Variants in MBD5 observed in about 807,000 individuals in gnomAD.
The protein encoded by MBD5 is methyl-CpG binding domain protein 5.
MBD5 carries 13 observed loss-of-function variants against 117.3 expected under a neutral mutation model. The observed-to-expected ratio is 0.11, with a 90% confidence interval of 0.07 to 0.18. MBD5 has a LOEUF of 0.18. MBD5 is among the 10% of genes least tolerant of loss of function. The pLI, the probability that MBD5 is intolerant of heterozygous loss-of-function variation, is 1.00. For missense variants in MBD5, 1,879 were observed against 2,093.8 expected (o/e 0.90, Z 2.00); for synonymous variants, 727 against 766.4 (o/e 0.95, Z 0.85).
intron 4 of MBD5, among the ~76,000 whole-genome samples, chr2:148,408,616 C>A (rs1269018985): frequency 6.6e-6 from 1 of 152,028 alleles, no homozygotes; most frequent in Admixed American, 6.5e-5. Context: ...TGCTGTAAAA[C>A]ATTAACATCC....
intron 3 of MBD5, chr2:148,265,182 T>TACTACCTAAAACATAATGTTTC (rs1700828350): frequency 6.6e-6 from 1 of 152,170 alleles, no homozygotes; most frequent in Admixed American, 6.6e-5. Flanking sequence ...ATTTATGTTT[T>TACTACCTAAAACATAATGTTTC]ACTACCTAAA....
chr2:148,217,854 C>G (rs1042076548), intron 2 of MBD5, among the ~76,000 whole-genome samples: 1 of 152,052 alleles, frequency 6.6e-6, no homozygotes, highest in South Asian at 2.1e-4. Flanking sequence ...TCCACCCTCA[C>G]GGAGTTGTCA....
intron 1 of MBD5, among the ~76,000 whole-genome samples, chr2:148,089,118 A>G (rs2122386): frequency 0.31 from 47,445 of 152,038 alleles, 8,425 homozygotes; most frequent in East Asian, 0.46. Context: ...CAGACATTAT[A>G]CAATCATAAA....
intron 4 of MBD5, among the ~76,000 whole-genome samples, chr2:148,403,654 C>T (rs937658501): frequency 2.0e-5 from 3 of 152,158 alleles, no homozygotes; most frequent in Non-Finnish European, 4.4e-5. Context: ...TCAATGGCAA[C>T]ATCTGGTAAA....
chr2:148,226,490 A>G (rs1309746918), intron 2 of MBD5, among the ~76,000 whole-genome samples: 3 of 152,026 alleles, frequency 2.0e-5, no homozygotes, highest in South Asian at 2.1e-4. Context: ...TATGTGCCAC[A>G]TTTTCTTAAT....
chr2:148,027,964 C>T (rs1693944554), intron 1 of MBD5: 1 of 152,038 alleles, frequency 6.6e-6, no homozygotes, highest in Admixed American at 6.6e-5. Context: ...CTAACTCTAA[C>T]ACTTAGAGTA....
chr2:148,122,879 T>G (rs1188523179), intron 1 of MBD5, among the ~76,000 whole-genome samples: 2 of 152,208 alleles, frequency 1.3e-5, no homozygotes, highest in Non-Finnish European at 2.9e-5. Flanking sequence ...AAGCTACATT[T>G]TATTTTACTT....
At chr2:148,210,807 T>A in intron 2 of MBD5, among the ~76,000 whole-genome samples, 1 of 152,172 alleles carries the variant, frequency 6.6e-6, no homozygotes, top group East Asian at 1.9e-4. Flanking sequence ...TGCTGATTTT[T>A]TGTTACATAT....
At chr2:148,155,660 G>A (rs558105382) in intron 1 of MBD5, among the ~76,000 whole-genome samples, 4 of 152,254 alleles carry the variant, frequency 2.6e-5, no homozygotes, top group South Asian at 2.1e-4. Flanking sequence ...CTCACATGCC[G>A]TATTCAACAC....
At chr2:148,284,552 C>A (rs1262642967) in intron 3 of MBD5, among the ~76,000 whole-genome samples, 2 of 152,096 alleles carry the variant, frequency 1.3e-5, no homozygotes, top group Admixed American at 6.5e-5. Flanking sequence ...TCTCATGGAG[C>A]CTTGGTATCA....
At chr2:148,305,944 C>A (rs12470061) in intron 3 of MBD5, among the ~76,000 whole-genome samples, 1 of 151,950 alleles carries the variant, frequency 6.6e-6, no homozygotes, top group African/African-American at 2.4e-5. Context: ...AATCTCCCCC[C>A]TTTTTAATTT....
At chr2:148,387,504 T>C (rs1463826238) in intron 4 of MBD5, among the ~76,000 whole-genome samples, 3 of 152,100 alleles carry the variant, frequency 2.0e-5, no homozygotes, top group Admixed American at 6.5e-5. Context: ...CGATTGAACA[T>C]TTTAGTGGAG....
chr2:148,083,072 A>C (rs909912834), intron 1 of MBD5, among the ~76,000 whole-genome samples: 1 of 152,166 alleles, frequency 6.6e-6, no homozygotes, highest in Non-Finnish European at 1.5e-5. Flanking sequence ...TGGTCCCCGA[A>C]TCTGAGCTCT....
At chr2:148,253,678 G>C (rs1357425622) in intron 3 of MBD5, among the ~76,000 whole-genome samples, 4 of 152,212 alleles carry the variant, frequency 2.6e-5, no homozygotes, top group African/African-American at 9.7e-5. Context: ...AGGGGAGTCA[G>C]TGGGTGAGTG....
chr2:148,197,549 C>T (rs559206828), intron 2 of MBD5, among the ~76,000 whole-genome samples: 2 of 152,266 alleles, frequency 1.3e-5, no homozygotes, highest in South Asian at 2.1e-4. Context: ...ATATAGCATA[C>T]ACTTTGCAAA....
chr2:148,485,849 C>G lies in MBD5; in HGVS notation c.3652C>G (p.Leu1218Val). 6.2e-7 allele frequency: 1 copy of G among 1,614,144 alleles called. No homozygotes were observed. The highest frequency in any genetic ancestry group is 8.5e-7 in the Non-Finnish European group (1 of 1,179,986). Residue 1218 changes from leucine to valine, a missense_variant, in exon 10 of 14, where the codon CTT becomes GTT. Transcript: ENST00000642680. Reference sequence around the variant, plus strand: ...TCCTCCAAATCAGCAACAGCAGCAACTTCTCCAGGGGTACCAGAATCTCCA... The same window carrying G: ...TCCTCCAAATCAGCAACAGCAGCAAGTTCTCCAGGGGTACCAGAATCTCCA... ...MFPPNQQQQQLLQGYQNLQAF... is the reference protein window; with the variant it reads ...MFPPNQQQQQVLQGYQNLQAF...
chr2:148,105,527 A>G (rs1696348085), intron 1 of MBD5, among the ~76,000 whole-genome samples: 1 of 151,956 alleles, frequency 6.6e-6, no homozygotes, highest in East Asian at 1.9e-4. Context: ...CAAGTTATAT[A>G]GTTTCTCATG....
chr2:148,380,210 T>C (rs1446966128), intron 4 of MBD5, among the ~76,000 whole-genome samples: 1 of 152,166 alleles, frequency 6.6e-6, no homozygotes, highest in Non-Finnish European at 1.5e-5. Context: ...CTTAATATCA[T>C]AGCCTCTGAA....
At chr2:148,104,311 G>A (rs1696312171) in intron 1 of MBD5, among the ~76,000 whole-genome samples, 4 of 151,922 alleles carry the variant, frequency 2.6e-5, no homozygotes. Context: ...ATGCATACAT[G>A]AAAAAAATGA....
Sources: allele counts gnomAD v4.1 joint callset (sites outside exome capture counted in the v4.1 genomes callset), GRCh38; gene constraint gnomAD v4.1.1; transcripts MANE v1.5; gene names NCBI Gene and HGNC (gene_info 2026-07-23, HGNC 2026-07-21).